The following EDA variants were observed in gnomAD, a reference collection of about 807,000 sequenced individuals.
EDA encodes ectodysplasin A.
In EDA, 2 loss-of-function variants were observed where a neutral mutation model predicts 23.6. The observed-to-expected ratio is 0.08, with a 90% confidence interval of 0.03 to 0.27. EDA has a LOEUF of 0.27. Among genes scored for constraint, EDA ranks in the 10% least tolerant of loss-of-function variants. The pLI is 1.00. For missense variants in EDA, 229 were observed against 324.2 expected (o/e 0.71, Z 2.26); for synonymous variants, 131 against 132.0 (o/e 0.99, Z 0.05).
At chrX:69,875,791 C>CA (rs754598287) in intron 1 of EDA, among the ~76,000 whole-genome samples, 8 of 109,972 alleles carry the variant, frequency 7.3e-5, no homozygotes, top group Non-Finnish European at 1.3e-4. Context: ...ATCAGCCCCC[C>CA]AAAAAACCAA....
chrX:70,013,318 C>A lies in EDA; in HGVS notation c.503-9900C>A, dbSNP rs1422439623. ...TGCAGCAACCACAGGGAGAAGAGCA[C>A]AGTAGCTCTTCCCTGTGAGTCCTTA... is the stretch of plus-strand genomic sequence containing the variant. On this transcript the variant is annotated intron_variant, in intron 2 of 7. Coordinates refer to ENST00000374552, the MANE Select transcript of EDA (RefSeq NM_001399.5). 2.7e-5 allele frequency among the ~76,000 whole-genome samples: 3 copies of A among 111,312 alleles called. No homozygotes were observed. The Admixed American group carries it at 2.8e-4, about 11-fold the overall frequency.
chrX:69,860,498 C>T (rs144222039), intron 1 of EDA, among the ~76,000 whole-genome samples: 1,603 of 110,981 alleles, frequency 0.014, 39 homozygotes, highest in African/African-American at 0.048. Flanking sequence ...CTTAGTTTGG[C>T]GGGATATGAA....
At chrX:69,620,115 A>G (rs1202737107) in intron 1 of EDA, among the ~76,000 whole-genome samples, 1 of 112,174 alleles carries the variant, frequency 8.9e-6, no homozygotes, top group African/African-American at 3.2e-5. Context: ...AGCGAGATGA[A>G]TATGATTAAT....
chrX:69,671,966 C>T (rs190999198), intron 1 of EDA, among the ~76,000 whole-genome samples: 1 of 112,027 alleles, frequency 8.9e-6, no homozygotes, highest in East Asian at 2.8e-4. Flanking sequence ...TTGAAAGCTC[C>T]ATGAAGCCAA....
intron 1 of EDA, among the ~76,000 whole-genome samples, chrX:69,721,973 T>A (rs2012598714): frequency 9.0e-6 from 1 of 111,155 alleles, no homozygotes; most frequent in Admixed American, 9.6e-5. Flanking sequence ...ACTTTCTTTT[T>A]AAAAAAAATC....
chrX:70,010,179 C>T (rs1227400426), intron 2 of EDA, among the ~76,000 whole-genome samples: 1 of 111,599 alleles, frequency 9.0e-6, no homozygotes, highest in East Asian at 2.8e-4. Flanking sequence ...GATTTTCTGC[C>T]TGCTAGATCT....
intron 1 of EDA, among the ~76,000 whole-genome samples, chrX:69,895,893 ATTAC>A (rs2018007057): frequency 1.8e-5 from 2 of 112,406 alleles, no homozygotes. Flanking sequence ...TTTTAAATAA[ATTAC>A]TTGAGTTCTT....
intron 1 of EDA, among the ~76,000 whole-genome samples, chrX:69,910,372 AGAGTGTGTGTGTGTGTGTGTGT>A (rs1324725104): frequency 5.8e-5 from 3 of 51,453 alleles, no homozygotes; most frequent in Admixed American, 5.2e-4. Context: ...AGAGAGAGAG[AGAGTGTGTGTGTGTGTGTGTGT>A]GTGTGTGTGT....
At chrX:69,885,618 A>G (rs1250886051) in intron 1 of EDA, among the ~76,000 whole-genome samples, 6 of 112,184 alleles carry the variant, frequency 5.3e-5, no homozygotes, top group African/African-American at 1.6e-4. Context: ...TTTTGCAGCC[A>G]TCCACAGACA....
At chrX:69,921,894 T>G (rs779277371) in intron 1 of EDA, among the ~76,000 whole-genome samples, 1 of 111,458 alleles carries the variant, frequency 9.0e-6, no homozygotes, top group African/African-American at 3.3e-5. Flanking sequence ...ATATCCACCA[T>G]TACAGTATCA....
intron 1 of EDA, among the ~76,000 whole-genome samples, chrX:69,889,022 T>TATATATATATATA (rs2017882922): frequency 7.2e-5 from 2 of 27,657 alleles, no homozygotes; most frequent in African/African-American, 1.1e-4. Flanking sequence ...ATATATATAT[T>TATATATATATATA]ATGTTTTTCC....
At chrX:69,744,646 A>G (rs1422883220) in intron 1 of EDA, among the ~76,000 whole-genome samples, 2 of 112,190 alleles carry the variant, frequency 1.8e-5, no homozygotes, top group Non-Finnish European at 3.8e-5. Context: ...AATGGTATCC[A>G]TCTATTGGTT....
intron 1 of EDA, among the ~76,000 whole-genome samples, chrX:69,805,324 C>G (rs2015789050): frequency 9.0e-6 from 1 of 111,104 alleles, no homozygotes; most frequent in African/African-American, 3.3e-5. Context: ...ATTGCTGAAA[C>G]TATAGTTCTT....
intron 1 of EDA, among the ~76,000 whole-genome samples, chrX:69,781,262 A>G (rs1445477581): frequency 9.0e-6 from 1 of 111,366 alleles, no homozygotes; most frequent in Non-Finnish European, 1.9e-5. Context: ...AATTCTACCT[A>G]GGAGTAGAAT....
At chrX:69,700,953 TAAGA>T (rs1415312166) in intron 1 of EDA, among the ~76,000 whole-genome samples, 1 of 110,286 alleles carries the variant, frequency 9.1e-6, no homozygotes, top group Non-Finnish European at 1.9e-5. Context: ...AGGGCAGGAC[TAAGA>T]AAGAGCGAGT....
chrX:69,883,334 G>T (rs946300115), intron 1 of EDA, among the ~76,000 whole-genome samples: 1 of 111,931 alleles, frequency 8.9e-6, no homozygotes, highest in Non-Finnish European at 1.9e-5. Flanking sequence ...AGCCATGTTA[G>T]GGCCAGAGTT....
intron 2 of EDA, among the ~76,000 whole-genome samples, chrX:69,973,473 C>G (rs888125167): frequency 1.8e-5 from 2 of 111,659 alleles, no homozygotes; most frequent in African/African-American, 3.3e-5. Flanking sequence ...GGACCAGCTG[C>G]CACTTACAGT....
chrX:69,942,507 A>G (rs2018775294), intron 1 of EDA, among the ~76,000 whole-genome samples: 1 of 110,693 alleles, frequency 9.0e-6, no homozygotes, highest in Admixed American at 9.6e-5. Flanking sequence ...CACTTTAAAT[A>G]TGTCATGCCA....
At chrX:69,654,693 A>G (rs1175293272) in intron 1 of EDA, among the ~76,000 whole-genome samples, 1 of 108,194 alleles carries the variant, frequency 9.2e-6, no homozygotes, top group Non-Finnish European at 1.9e-5. Flanking sequence ...AAACCATCGC[A>G]AGGACAAAAA....
Sources: gnomAD v4.1 joint callset for allele counts (sites outside exome capture counted in the v4.1 genomes callset) on GRCh38, gnomAD v4.1.1 for gene constraint, MANE v1.5 for transcripts, NCBI Gene and HGNC (gene_info 2026-07-23, HGNC 2026-07-21) for gene names.